Variants in LEPR observed in about 807,000 individuals in gnomAD.
LEPR encodes leptin receptor.
A neutral mutation model predicts 114.7 loss-of-function variants in LEPR; 56 were observed. The observed-to-expected ratio is 0.49, with a 90% CI of 0.39 to 0.61. The LOEUF (loss-of-function observed/expected upper bound fraction) is 0.61, where lower values mean the gene tolerates loss of function less well. Among genes scored for constraint, LEPR ranks in the 20% least tolerant of loss-of-function variants. The pLI, the probability that LEPR is intolerant of heterozygous loss-of-function variation, is 0.00. For missense variants in LEPR, 1,202 were observed against 1,352.9 expected (o/e 0.89, Z 1.75); for synonymous variants, 443 against 461.4 (o/e 0.96, Z 0.51).
chr1:65,488,444 A>G (rs986394720), intron 2 of LEPR, among the ~76,000 whole-genome samples: 1 of 149,976 alleles, frequency 6.7e-6, no homozygotes, highest in Non-Finnish European at 1.5e-5. Context: ...CAATCCTCCC[A>G]TCTCAGCCTC....
chr1:65,622,793 C>A (rs546309523), intron 18 of LEPR, 113 bp from the exon 19 acceptor site: 3 of 1,066,138 alleles, frequency 2.8e-6, no homozygotes, highest in Non-Finnish European at 4.2e-6. Flanking sequence ...TCTGACCCTA[C>A]GGAGGCATAG....
At chr1:65,635,647 C>T (rs768891251) in intron 19 of LEPR, among the ~76,000 whole-genome samples, 1 of 152,084 alleles carries the variant, frequency 6.6e-6, no homozygotes, top group Non-Finnish European at 1.5e-5. Flanking sequence ...ATTTTACTTT[C>T]ATACCATATC....
intron 2 of LEPR, among the ~76,000 whole-genome samples, chr1:65,453,167 T>C (rs1646813168): frequency 6.6e-6 from 1 of 152,238 alleles, no homozygotes; most frequent in South Asian, 2.1e-4. Flanking sequence ...GATTCTTCTC[T>C]CTTTTTTTCT....
chr1:65,594,198 A>G (rs1223427841), intron 6 of LEPR, among the ~76,000 whole-genome samples: 1 of 152,066 alleles, frequency 6.6e-6, no homozygotes, highest in Non-Finnish European at 1.5e-5. Flanking sequence ...TGAAGAAGAG[A>G]TATCCATGCA....
chr1:65,479,399 C>T (rs970913446), intron 2 of LEPR, among the ~76,000 whole-genome samples: 17 of 152,170 alleles, frequency 1.1e-4, no homozygotes, highest in South Asian at 6.2e-4. Context: ...CATAGAGGTA[C>T]ACTTCCCCTT....
chr1:65,635,541 T>C (rs1658687557), intron 19 of LEPR: 1 of 222,396 alleles, frequency 4.5e-6, no homozygotes, highest in Admixed American at 6.5e-5. Context: ...TCATCATCAT[T>C]GTTCTCTACA....
chr1:65,570,976 G>A (rs1193934955), intron 4 of LEPR, among the ~76,000 whole-genome samples, 174 bp downstream of exon 4: 1 of 151,960 alleles, frequency 6.6e-6, no homozygotes, highest in Non-Finnish European at 1.5e-5. Context: ...AAATTATCTT[G>A]TATCCCATAA....
chr1:65,534,059 A>G (rs537472330), intron 2 of LEPR, among the ~76,000 whole-genome samples: 1 of 152,252 alleles, frequency 6.6e-6, no homozygotes, highest in South Asian at 2.1e-4. Context: ...TTCTTAAGGT[A>G]TTTTAAATTC....
chr1:65,497,358 A>G (rs988164699), intron 2 of LEPR, among the ~76,000 whole-genome samples: 2 of 152,148 alleles, frequency 1.3e-5, no homozygotes, highest in Non-Finnish European at 2.9e-5. Flanking sequence ...CTTTGTGTGC[A>G]TCTAGTCTGT....
At chr1:65,620,128 A>ACTTTGGACTCTTCCAT in intron 17 of LEPR, 105 bp downstream of exon 17, 1 of 891,596 alleles carries the variant, frequency 1.1e-6, no homozygotes, top group Non-Finnish European at 1.8e-6. Flanking sequence ...ATCATGGAAG[A>ACTTTGGACTCTTCCAT]GTCCAAAGTC....
At chr1:65,495,324 A>T (rs1426063406) in intron 2 of LEPR, among the ~76,000 whole-genome samples, 2 of 152,228 alleles carry the variant, frequency 1.3e-5, no homozygotes, top group African/African-American at 4.8e-5. Flanking sequence ...CATCAGGGAA[A>T]TGCAAATCAA....
At chr1:65,572,305 T>G (rs777546036) in intron 4 of LEPR, 21 bp from the exon 5 acceptor site, 167 of 1,448,610 alleles carry the variant, frequency 1.2e-4, no homozygotes, top group Non-Finnish European at 1.4e-4. Context: ...TTTTTTTTTT[T>G]TTTTTTTTTT....
chr1:65,454,235 C>T, intron 2 of LEPR, among the ~76,000 whole-genome samples: 1 of 152,176 alleles, frequency 6.6e-6, no homozygotes, highest in Non-Finnish European at 1.5e-5. Context: ...ACTCCGTATC[C>T]AATTTGCCAG....
chr1:65,567,975 G>C (rs976619339), intron 3 of LEPR, among the ~76,000 whole-genome samples: 1 of 152,036 alleles, frequency 6.6e-6, no homozygotes, highest in African/African-American at 2.4e-5. Flanking sequence ...TTGTATGAAT[G>C]TTGACTGATG....
chr1:65,472,784 G>A (rs899207857), intron 2 of LEPR, among the ~76,000 whole-genome samples: 21 of 152,246 alleles, frequency 1.4e-4, no homozygotes, highest in Admixed American at 9.2e-4. Flanking sequence ...GAAAGGATGT[G>A]CGCTTTGCTC....
At chr1:65,488,202 T>TTCTCTC (rs769414451) in intron 2 of LEPR, among the ~76,000 whole-genome samples, 3 of 29,418 alleles carry the variant, frequency 1.0e-4, no homozygotes, top group Non-Finnish European at 2.0e-4. Flanking sequence ...CTTTCTTTCT[T>TTCTCTC]TCTTTCTTTC....
intron 2 of LEPR, among the ~76,000 whole-genome samples, chr1:65,540,134 GACCAA>G (rs1382983578): frequency 5.9e-5 from 9 of 152,146 alleles, no homozygotes; most frequent in Non-Finnish European, 1.3e-4. Context: ...TACATGTGCA[GACCAA>G]AATGGCCTCT....
At chr1:65,590,286 A>T (rs1029404140) in intron 5 of LEPR, among the ~76,000 whole-genome samples, 1 of 151,022 alleles carries the variant, frequency 6.6e-6, no homozygotes, top group African/African-American at 2.4e-5. Context: ...ATATCTGTAG[A>T]CTGTGTAGCA....
intron 19 of LEPR, chr1:65,629,230 G>C: frequency 3.6e-6 from 1 of 279,094 alleles, no homozygotes; most frequent in Non-Finnish European, 7.0e-6. Context: ...GAGCTCCCCT[G>C]CTATTTTTTT....
Sources: gnomAD v4.1 joint callset for allele counts (sites outside exome capture counted in the v4.1 genomes callset) on GRCh38, gnomAD v4.1.1 for gene constraint, MANE v1.5 for transcripts, NCBI Gene and HGNC (gene_info 2026-07-23, HGNC 2026-07-21) for gene names.